ROR1: variants seen among roughly 807,000 people sequenced by gnomAD.
ROR1 encodes inactive tyrosine-protein kinase transmembrane receptor ROR1.
A neutral mutation model predicts 78.8 loss-of-function variants in ROR1; 19 were observed. That is an observed-to-expected ratio of 0.24 (90% CI 0.17 to 0.35). The LOEUF (loss-of-function observed/expected upper bound fraction) is 0.35. Ranked by LOEUF, ROR1 falls within the 10% of genes least tolerant of loss-of-function variation. The pLI is 1.00. For synonymous variants in ROR1, 386 were observed against 433.6 expected (o/e 0.89, Z 1.36); for missense variants, 917 against 1,177.8 (o/e 0.78, Z 3.24).
At chr1:63,973,124 A>G (rs541116693) in intron 1 of ROR1, among the ~76,000 whole-genome samples, 1 of 151,542 alleles carries the variant, frequency 6.6e-6, no homozygotes, top group Admixed American at 6.6e-5. Flanking sequence ...GCAATACTCC[A>G]CCTCTTTGCC....
intron 4 of ROR1, among the ~76,000 whole-genome samples, chr1:64,052,185 C>CTTT (rs538059021): frequency 1.6e-5 from 2 of 121,598 alleles, no homozygotes; most frequent in Non-Finnish European, 1.8e-5. Flanking sequence ...TGCTAATCTG[C>CTTT]TTTTTTTTTT....
intron 1 of ROR1, among the ~76,000 whole-genome samples, chr1:63,971,750 T>A (rs1394309334): frequency 1.3e-5 from 2 of 152,158 alleles, no homozygotes; most frequent in Non-Finnish European, 2.9e-5. Flanking sequence ...TGTCTGGCAG[T>A]GTGTGTGGTC....
chr1:64,168,758 G>A (rs1318331000), intron 8 of ROR1, among the ~76,000 whole-genome samples: 2 of 152,150 alleles, frequency 1.3e-5, no homozygotes, highest in Admixed American at 6.5e-5. Context: ...CAAGAGTATT[G>A]TTTTCTCTCA....
At chr1:64,017,644 C>A (rs952498254) in intron 2 of ROR1, among the ~76,000 whole-genome samples, 3 of 152,204 alleles carry the variant, frequency 2.0e-5, no homozygotes, top group South Asian at 2.1e-4. Flanking sequence ...CCAAGCCCTC[C>A]CATCATTCCT....
intron 1 of ROR1, among the ~76,000 whole-genome samples, chr1:63,842,884 G>A (rs1645057425): frequency 6.6e-6 from 1 of 152,058 alleles, no homozygotes; most frequent in Admixed American, 6.6e-5. Flanking sequence ...CAGGTTGGAT[G>A]TGGGGGTGTT....
intron 1 of ROR1, among the ~76,000 whole-genome samples, chr1:63,954,460 A>G (rs1645965781): frequency 6.6e-6 from 1 of 152,234 alleles, no homozygotes; most frequent in African/African-American, 2.4e-5. Context: ...AGAGGGAAGA[A>G]CAGATATTCA....
intron 2 of ROR1, among the ~76,000 whole-genome samples, chr1:64,032,204 G>T (rs377228552): frequency 5.9e-5 from 9 of 152,064 alleles, no homozygotes; most frequent in African/African-American, 1.4e-4. Flanking sequence ...AGCCGGGCAT[G>T]GTGGTGGGTG....
intron 4 of ROR1, among the ~76,000 whole-genome samples, chr1:64,083,578 T>G (rs1179781726): frequency 4.8e-5 from 6 of 125,180 alleles, no homozygotes; most frequent in Admixed American, 1.6e-4. Context: ...GCTTTAAAGG[T>G]GCTAGAGAGA....
At chr1:63,883,789 AG>A (rs1404287845) in intron 1 of ROR1, among the ~76,000 whole-genome samples, 1 of 152,176 alleles carries the variant, frequency 6.6e-6, no homozygotes, top group Non-Finnish European at 1.5e-5. Context: ...TGCTGAATAA[AG>A]GAGTTTCCCA....
intron 1 of ROR1, among the ~76,000 whole-genome samples, chr1:63,801,928 A>G (rs1015177460): frequency 1.3e-5 from 2 of 152,136 alleles, no homozygotes; most frequent in Non-Finnish European, 2.9e-5. Context: ...TGTTTTCTCT[A>G]AAGTGGATAG....
intron 2 of ROR1, among the ~76,000 whole-genome samples, chr1:64,032,340 CAAAAAAAAAAAAAA>C (rs66602515): frequency 1.3e-5 from 1 of 76,344 alleles, no homozygotes; most frequent in African/African-American, 5.1e-5. Context: ...GACTCCGTCT[CAAAAAAAAAAAAAA>C]AAAAAAAAAT....
intron 1 of ROR1, among the ~76,000 whole-genome samples, chr1:63,918,123 G>A (rs928090232): frequency 6.6e-6 from 1 of 152,190 alleles, no homozygotes; most frequent in Non-Finnish European, 1.5e-5. Context: ...GGCACCTGCC[G>A]TAAACCAAGC....
intron 4 of ROR1, among the ~76,000 whole-genome samples, chr1:64,114,961 T>TG (rs1230850288): frequency 2.6e-5 from 4 of 152,150 alleles, no homozygotes; most frequent in Non-Finnish European, 5.9e-5. Flanking sequence ...AAAAATAAGA[T>TG]GGTTGTTTGT....
chr1:63,912,124 C>A (rs1253826209), intron 1 of ROR1, among the ~76,000 whole-genome samples: 395 of 122,790 alleles, frequency 3.2e-3, no homozygotes, highest in South Asian at 4.2e-3. Flanking sequence ...CCCATCTTTA[C>A]AAAAAAAAAA....
At position 63,896,037 on chromosome 1, in the gene ROR1, G is replaced by A. The variant is rs889726704; in HGVS notation, c.92-113268G>A. Among the ~76,000 whole-genome samples the A allele has an allele frequency of 3.9e-5, 6 of 152,058 alleles. No individual in the cohort carries two copies. In the East Asian group the frequency reaches 9.7e-4, roughly 25 times the overall value. The stretch of plus-strand genomic sequence containing the variant: ...ATATCCAGCCTCCTCTAAGATGAAC[G>A]CTTCCACCTACAGTGCCCTAGATGA... On this transcript the variant is annotated intron_variant, in intron 1 of 8. Transcript: ENST00000371079.
chr1:63,801,483 C>T (rs1479842686), intron 1 of ROR1, among the ~76,000 whole-genome samples: 3 of 152,010 alleles, frequency 2.0e-5, no homozygotes, highest in Non-Finnish European at 4.4e-5. Context: ...TTAGTAAAGA[C>T]GGGGTTTCAC....
intron 1 of ROR1, among the ~76,000 whole-genome samples, chr1:63,869,164 T>G (rs920648121): frequency 1.3e-5 from 2 of 152,216 alleles, no homozygotes; most frequent in African/African-American, 2.4e-5. Flanking sequence ...AAGTTCTCTG[T>G]TGTTTTTTGG....
At chr1:64,128,130 T>G (rs1229723816) in intron 4 of ROR1, among the ~76,000 whole-genome samples, 1 of 151,908 alleles carries the variant, frequency 6.6e-6, no homozygotes, top group Non-Finnish European at 1.5e-5. Flanking sequence ...CCTCTTCCTC[T>G]TCTCATTATT....
chr1:63,826,669 A>G (rs1306508354), intron 1 of ROR1, among the ~76,000 whole-genome samples: 3 of 152,066 alleles, frequency 2.0e-5, no homozygotes, highest in Non-Finnish European at 4.4e-5. Flanking sequence ...GAGTCACCAC[A>G]CTGTGATTCA....
Sources: allele counts gnomAD v4.1 joint callset (sites outside exome capture counted in the v4.1 genomes callset), GRCh38; gene constraint gnomAD v4.1.1; transcripts MANE v1.5; gene names NCBI Gene and HGNC (gene_info 2026-07-23, HGNC 2026-07-21).